Variants in FARSB observed in about 807,000 individuals in gnomAD.
The protein encoded by FARSB is phenylalanyl-tRNA synthetase subunit beta.
FARSB carries 40 observed loss-of-function variants against 69.6 expected under a neutral mutation model. That is an observed-to-expected ratio of 0.57 (90% confidence interval 0.45 to 0.75). The LOEUF is 0.75. Among genes scored for constraint, FARSB ranks in the 30% least tolerant of loss-of-function variants. FARSB has a pLI of 0.00. For synonymous variants in FARSB, 235 were observed against 247.2 expected (o/e 0.95, Z 0.46); for missense variants, 632 against 722.9 (o/e 0.87, Z 1.44).
intron 15 of FARSB, among the ~76,000 whole-genome samples, chr2:222,600,534 T>C (rs1417964440): frequency 6.6e-6 from 1 of 152,236 alleles, no homozygotes; most frequent in Non-Finnish European, 1.5e-5. Context: ...TAGGGATGGC[T>C]ACATAAAGTA....
rs1691386684 is a variant in FARSB, at chr2:222,630,305, G to A, written c.787-131C>T. On this transcript the variant is annotated intron_variant, in intron 8 of 16. Coordinates refer to ENST00000281828, the MANE Select transcript of FARSB (RefSeq NM_005687.5). ...CCTTTACGTATACATTTTAAGAAAG[G>A]AAGTGGAATAAAAACATGAGTAGGC... 7.6e-6 allele frequency: 4 copies of A among 529,418 alleles called. No individual in the cohort carries two copies. In the South Asian group the frequency reaches 1.1e-4, roughly 15 times the overall value. The allele number at this position is 529,418 out of a possible 1,614,324, so 32.8% of individuals were successfully genotyped here.
intron 14 of FARSB, among the ~76,000 whole-genome samples, chr2:222,615,741 T>C (rs1690979676): frequency 1.3e-5 from 2 of 152,222 alleles, no homozygotes; most frequent in Admixed American, 1.3e-4. Flanking sequence ...AATGGAATTG[T>C]TAGATTGTGT....
intron 11 of FARSB, 40 bp from the exon 12 acceptor site, chr2:222,624,519 A>T (rs989202751): frequency 8.8e-6 from 12 of 1,361,122 alleles, no homozygotes; most frequent in African/African-American, 2.9e-5. Context: ...TCATTGGATT[A>T]TTTTTTTAAT....
rs542181773 is a variant in FARSB, at chr2:222,616,460, T to C, written c.1345-2532A>G. Among the ~76,000 whole-genome samples, 130 of 148,556 alleles carry C rather than the reference T, an allele frequency of 8.8e-4. 1 individual carries two copies. Among genetic ancestry groups the C allele is most frequent in the South Asian group, 5.0e-3 (24 of 4,754 alleles). On this transcript the variant is annotated intron_variant, in intron 14 of 16. Transcript: ENST00000281828. ...TACTCGGGAGGCTGAGGCAGGAGAA[T>C]TGCTTGAACCCAGAAGGCGGAAGTT...
chr2:222,603,903 C>G (rs1690633974), intron 15 of FARSB, among the ~76,000 whole-genome samples: 1 of 151,526 alleles, frequency 6.6e-6, no homozygotes, highest in African/African-American at 2.4e-5. Flanking sequence ...GCTATATATC[C>G]ACTTAATATG....
At chr2:222,615,535 A>G (rs1460936942) in intron 14 of FARSB, among the ~76,000 whole-genome samples, 2 of 152,224 alleles carry the variant, frequency 1.3e-5, no homozygotes, top group South Asian at 4.1e-4. Context: ...ACTGGAGGCC[A>G]CACTGGTCAG....
At chr2:222,607,464 A>T (rs1323505670) in intron 15 of FARSB, among the ~76,000 whole-genome samples, 2 of 152,182 alleles carry the variant, frequency 1.3e-5, no homozygotes. Flanking sequence ...AAGTTGATAG[A>T]ATGTGCTCAG....
chr2:222,655,268 C>T (rs530723427), intron 1 of FARSB, among the ~76,000 whole-genome samples: 59 of 151,748 alleles, frequency 3.9e-4, no homozygotes, highest in Non-Finnish European at 7.2e-4. Flanking sequence ...CATTTAATAT[C>T]TCCCTCCTTT....
intron 1 of FARSB, among the ~76,000 whole-genome samples, chr2:222,655,735 G>A (rs1052662486): frequency 6.6e-6 from 1 of 152,254 alleles, no homozygotes; most frequent in African/African-American, 2.4e-5. Flanking sequence ...TCTATCCCCT[G>A]GCTTGGATGT....
At chr2:222,580,717 C>G (rs1211783159) in intron 16 of FARSB, among the ~76,000 whole-genome samples, 1 of 151,908 alleles carries the variant, frequency 6.6e-6, no homozygotes, top group African/African-American at 2.4e-5. Flanking sequence ...AAAAAAAATG[C>G]CCCAAATCAA....
At chr2:222,590,381 G>C (rs1323223638) in intron 16 of FARSB, among the ~76,000 whole-genome samples, 4 of 152,080 alleles carry the variant, frequency 2.6e-5, no homozygotes, top group Non-Finnish European at 5.9e-5. Context: ...GGGGGAAGGG[G>C]GAGGGAAAGC....
chr2:222,612,664 C>G (rs1344375282), intron 15 of FARSB, among the ~76,000 whole-genome samples: 1 of 152,188 alleles, frequency 6.6e-6, no homozygotes, highest in Non-Finnish European at 1.5e-5. Flanking sequence ...AGTAATTGAT[C>G]TGTTAAATCC....
At chr2:222,583,951 T>C (rs1690038941) in intron 16 of FARSB, among the ~76,000 whole-genome samples, 1 of 152,202 alleles carries the variant, frequency 6.6e-6, no homozygotes, top group South Asian at 2.1e-4. Context: ...TGTGAGTCAA[T>C]TAAACCTCTT....
chr2:222,579,648 T>C (rs1445093003), intron 16 of FARSB, among the ~76,000 whole-genome samples: 1 of 152,178 alleles, frequency 6.6e-6, no homozygotes. Context: ...CTCTTAAAAC[T>C]AGAAATGACC....
chr2:222,631,879 CCTAA>C (rs2106227396), intron 7 of FARSB, among the ~76,000 whole-genome samples: 1 of 152,326 alleles, frequency 6.6e-6, no homozygotes, highest in East Asian at 1.9e-4. Flanking sequence ...TCAAGACCAG[CCTAA>C]CTAACACAGA....
chr2:222,626,263 AAAG>A (rs1559208416), intron 10 of FARSB, among the ~76,000 whole-genome samples: 2 of 151,312 alleles, frequency 1.3e-5, no homozygotes, highest in African/African-American at 2.4e-5. Flanking sequence ...AAAAAAAAAA[AAAG>A]AAGTAACTAA....
chr2:222,633,328 A>G (rs1428368677), intron 6 of FARSB, 21 bp from the exon 7 acceptor site: 1 of 1,198,908 alleles, frequency 8.3e-7, no homozygotes, highest in East Asian at 2.4e-5. Context: ...ATTAAGTCAA[A>G]TAAAATTAGT....
intron 14 of FARSB, among the ~76,000 whole-genome samples, chr2:222,615,717 A>G (rs1440353235): frequency 6.6e-6 from 1 of 152,228 alleles, no homozygotes; most frequent in Non-Finnish European, 1.5e-5. Context: ...TGCACAAGTA[A>G]CCATAAGACC....
intron 16 of FARSB, among the ~76,000 whole-genome samples, chr2:222,593,498 T>A (rs936606010): frequency 3.3e-5 from 5 of 152,232 alleles, no homozygotes; most frequent in African/African-American, 1.2e-4. Flanking sequence ...CTTTTGTGTG[T>A]AGCTTAGGCT....
Sources: gnomAD v4.1 joint callset for allele counts (sites outside exome capture counted in the v4.1 genomes callset) on GRCh38, gnomAD v4.1.1 for gene constraint, MANE v1.5 for transcripts, NCBI Gene and HGNC (gene_info 2026-07-23, HGNC 2026-07-21) for gene names.